HEPH: variants seen among roughly 807,000 people sequenced by gnomAD.
HEPH encodes the protein hephaestin.
In HEPH, 69 loss-of-function variants were observed where a neutral mutation model predicts 80.8. That is an observed-to-expected ratio of 0.85 (90% CI 0.70 to 1.04). The LOEUF is 1.04. Ranked by LOEUF, HEPH falls within the 50% of genes least tolerant of loss-of-function variation. HEPH has a pLI of 0.00. For missense variants in HEPH, 1,115 were observed against 891.3 expected (o/e 1.25, Z -3.20); for synonymous variants, 431 against 322.8 (o/e 1.34, Z -3.60).
At chrX:66,203,970 G>A (rs925548474) in intron 13 of HEPH, among the ~76,000 whole-genome samples, 2 of 112,330 alleles carry the variant, frequency 1.8e-5, no homozygotes, top group Admixed American at 9.4e-5. Context: ...CTAAAACAGA[G>A]TGATTTAAAT....
At position 66,212,926 on chromosome X, in the gene HEPH, C is replaced by A. The variant is rs753695095; in HGVS notation, c.2563+4680C>A. Among the ~76,000 whole-genome samples, 3 of 109,814 alleles carry A rather than the reference C, an allele frequency of 2.7e-5. No individual in the cohort carries two copies. In the South Asian group the frequency reaches 1.2e-3, roughly 42 times the overall value. On this transcript the variant is annotated intron_variant, in intron 15 of 20. Transcript: ENST00000343002. Reference sequence around the variant, plus strand: ...TGCAGATTGCTTTGGACAATATGGTCATTTTAATGATATTAATTCTTTTGA... The same window carrying A: ...TGCAGATTGCTTTGGACAATATGGTAATTTTAATGATATTAATTCTTTTGA...
intron 9 of HEPH, among the ~76,000 whole-genome samples, 180 bp from the exon 10 acceptor site, chrX:66,197,503 G>A (rs769619562): frequency 9.0e-6 from 1 of 111,692 alleles, no homozygotes; most frequent in South Asian, 3.7e-4. Flanking sequence ...ATGGAAGAAC[G>A]AGAAAATAAA....
At chrX:66,205,192 ATGC>A (rs769049855) in intron 13 of HEPH, among the ~76,000 whole-genome samples, 51 of 111,651 alleles carry the variant, frequency 4.6e-4, no homozygotes, top group Admixed American at 2.0e-3. Context: ...ATGTTATGTG[ATGC>A]TGAGGTTTGG....
upstream of HEPH, chrX:66,162,895 G>A (rs141681041): frequency 2.9e-3 from 3,362 of 1,146,304 alleles, 3 homozygotes; most frequent in Non-Finnish European, 3.5e-3. Flanking sequence ...ATCAGGTGGT[G>A]GAACCCCCAT....
chrX:66,205,977 T>G (rs892185194), intron 13 of HEPH, among the ~76,000 whole-genome samples: 6 of 111,370 alleles, frequency 5.4e-5, no homozygotes, highest in African/African-American at 2.0e-4. Flanking sequence ...CAATGTCACT[T>G]GTAGAATAAG....
intron 9 of HEPH, among the ~76,000 whole-genome samples, 176 bp downstream of exon 9, chrX:66,195,405 G>T (rs183588016): frequency 1.5e-3 from 167 of 110,990 alleles, no homozygotes; most frequent in African/African-American, 4.9e-3. Flanking sequence ...AATAATAAGA[G>T]AAAATTTCTT....
At chrX:66,220,900 C>T (rs2089616737) in intron 15 of HEPH, among the ~76,000 whole-genome samples, 1 of 111,010 alleles carries the variant, frequency 9.0e-6, no homozygotes, top group African/African-American at 3.3e-5. Flanking sequence ...TAGCATGATA[C>T]AAACAAGTTT....
chrX:66,216,193 C>T (rs764414877), intron 15 of HEPH, among the ~76,000 whole-genome samples: 130 of 111,459 alleles, frequency 1.2e-3, no homozygotes, highest in African/African-American at 1.7e-3. Context: ...TATCCAAAGG[C>T]GACCCTATGA....
intron 15 of HEPH, among the ~76,000 whole-genome samples, chrX:66,229,657 T>C (rs888299057): frequency 8.9e-6 from 1 of 112,177 alleles, no homozygotes; most frequent in African/African-American, 3.2e-5. Flanking sequence ...CCAAGATGTT[T>C]ATACCAGATA....
chrX:66,228,794 A>G (rs2089998056), intron 15 of HEPH, among the ~76,000 whole-genome samples: 1 of 112,425 alleles, frequency 8.9e-6, no homozygotes, highest in Non-Finnish European at 1.9e-5. Flanking sequence ...AGCACTAAGG[A>G]TCAGGGAAAT....
intron 2 of HEPH, chrX:66,170,994 CACAATGCTT>C (rs769014270): frequency 5.1e-4 from 175 of 342,142 alleles, no homozygotes; most frequent in Non-Finnish European, 8.1e-4. Flanking sequence ...ATCTCATACC[CACAATGCTT>C]ACTTATTTAA....
intron 11 of HEPH, among the ~76,000 whole-genome samples, chrX:66,199,307 A>G (rs1408580584): frequency 9.1e-6 from 1 of 110,266 alleles, no homozygotes; most frequent in African/African-American, 3.3e-5. Context: ...AATAAGCCAG[A>G]TGATACCTTT....
chrX:66,163,279 C>T (rs1420478225), upstream of HEPH, among the ~76,000 whole-genome samples: 2 of 111,508 alleles, frequency 1.8e-5, no homozygotes, highest in Non-Finnish European at 3.8e-5. Context: ...TTTCACTCTT[C>T]TCTCTTTCCA....
intron 15 of HEPH, among the ~76,000 whole-genome samples, chrX:66,235,932 G>T (rs777926554): frequency 3.0e-4 from 33 of 111,664 alleles, no homozygotes; most frequent in African/African-American, 9.8e-4. Context: ...TGGCTTAACT[G>T]TTGTTGGTGT....
chrX:66,170,757 GTA>G lies in HEPH; in HGVS notation c.167+22_167+23del. On this transcript the variant is annotated intron_variant, in intron 2 of 20. Transcript: ENST00000343002. ...TGACATGTAGGTTTAATTTCTTGTG[GTA>G]TTTGAGGGGAAGTTATGGGAGCACT... 3.4e-6 allele frequency: 4 copies of G among 1,185,254 alleles called. No individual in the cohort carries two copies. The highest frequency in any genetic ancestry group is 4.6e-6 in the Non-Finnish European group (4 of 875,473).
intron 20 of HEPH, among the ~76,000 whole-genome samples, chrX:66,263,933 T>C (rs1433063472): frequency 2.7e-5 from 3 of 110,838 alleles, no homozygotes; most frequent in African/African-American, 9.8e-5. Context: ...CTCCTCCCCA[T>C]TTAAAGGCTG....
intron 15 of HEPH, among the ~76,000 whole-genome samples, chrX:66,242,665 A>G (rs1200006971): frequency 8.9e-6 from 1 of 112,169 alleles, no homozygotes; most frequent in Non-Finnish European, 1.9e-5. Flanking sequence ...ACAAATCAAC[A>G]AGCAAGAATC....
intron 15 of HEPH, among the ~76,000 whole-genome samples, chrX:66,227,633 G>T (rs764748364): frequency 8.8e-4 from 98 of 111,815 alleles, no homozygotes; most frequent in Non-Finnish European, 1.5e-3. Context: ...CCAGTACCCA[G>T]CACCTTCTGT....
chrX:66,198,001 A>C, intron 10 of HEPH, 107 bp downstream of exon 10: 1 of 639,393 alleles, frequency 1.6e-6, no homozygotes, highest in Non-Finnish European at 2.4e-6. Flanking sequence ...AGGGAATAGA[A>C]GAAAAATAAT....
Sources: allele counts gnomAD v4.1 joint callset (sites outside exome capture counted in the v4.1 genomes callset), GRCh38; gene constraint gnomAD v4.1.1; transcripts MANE v1.5; gene names NCBI Gene and HGNC (gene_info 2026-07-23, HGNC 2026-07-21).